BID: variants seen among roughly 807,000 people sequenced by gnomAD.
BID encodes BH3-interacting domain death agonist.
A neutral mutation model predicts 17.4 loss-of-function variants in BID; 19 were observed. That is an observed-to-expected ratio of 1.09 (90% CI 0.76 to 1.60). BID has a LOEUF of 1.60. BID is among the 40% of genes most tolerant of loss of function. The probability of loss-of-function intolerance (pLI) is 0.00; values close to 1 mark genes in which losing one functional copy is unlikely to be tolerated. For synonymous variants in BID, 108 were observed against 102.8 expected (o/e 1.05, Z -0.31); for missense variants, 226 against 256.0 (o/e 0.88, Z 0.80).
intron 3 of BID, chr22:17,739,957 C>T (rs536655986): frequency 9.8e-7 from 1 of 1,024,428 alleles, no homozygotes; most frequent in South Asian, 1.4e-5. Context: ...AGGAAAACCC[C>T]AGTTGTCACT....
chr22:17,771,162 C>A (rs772422207), intron 1 of BID, among the ~76,000 whole-genome samples: 1 of 152,174 alleles, frequency 6.6e-6, no homozygotes, highest in Non-Finnish European at 1.5e-5. Context: ...TGCAGTGGCG[C>A]GATCTCGGCT....
At chr22:17,741,345 C>T (rs1175383204) in intron 3 of BID, among the ~76,000 whole-genome samples, 1 of 152,168 alleles carries the variant, frequency 6.6e-6, no homozygotes, top group African/African-American at 2.4e-5. Flanking sequence ...AAGGCTGCCA[C>T]ATCACTTCTC....
rs191436228 is a variant in BID, at chr22:17,761,392, C to T, written c.-58-11218G>A. Among the ~76,000 whole-genome samples, 204 of 151,644 alleles carry T rather than the reference C, an allele frequency of 1.3e-3. 1 individual carries two copies. Among genetic ancestry groups the T allele is most frequent in the African/African-American group, 4.7e-3 (194 of 41,330 alleles). ...TCTGCTATACAGAACCTCTGCCATC[C>T]AGGTGCATTACACAGAAAGGAAAGA... On this transcript the variant is annotated intron_variant, in intron 1 of 5. Transcript: ENST00000622694.
intron 1 of BID, among the ~76,000 whole-genome samples, chr22:17,753,167 C>T (rs564398316): frequency 5.9e-5 from 9 of 151,516 alleles, no homozygotes; most frequent in South Asian, 4.2e-4. Context: ...GGGGTTTCAC[C>T]GTGTTAGCCA....
intron 1 of BID, among the ~76,000 whole-genome samples, chr22:17,755,732 G>A (rs867831153): frequency 5.3e-5 from 8 of 151,554 alleles, no homozygotes; most frequent in East Asian, 1.9e-4. Context: ...CCTGGGAGGC[G>A]GGGGTTGCAG....
intron 1 of BID, 107 bp from the exon 2 acceptor site, chr22:17,750,281 G>T: frequency 1.0e-6 from 1 of 967,978 alleles, no homozygotes; most frequent in Non-Finnish European, 1.6e-6. Flanking sequence ...CGGCTGAGCC[G>T]AGGTCCTGGC....
At chr22:17,756,490 TTCTTTCTC>T (rs1372593559) in intron 1 of BID, among the ~76,000 whole-genome samples, 1 of 142,120 alleles carries the variant, frequency 7.0e-6, no homozygotes, top group Non-Finnish European at 1.5e-5. Context: ...CTTTCTTTCT[TTCTTTCTC>T]TCTCTCTTTC....
At chr22:17,754,007 T>C (rs1028609550) in intron 1 of BID, among the ~76,000 whole-genome samples, 2 of 151,034 alleles carry the variant, frequency 1.3e-5, no homozygotes, top group African/African-American at 4.9e-5. Context: ...AGGGGTGACA[T>C]TCCCCCAGTC....
chr22:17,758,082 TG>T (rs66461333), intron 1 of BID, among the ~76,000 whole-genome samples: 3,242 of 152,282 alleles, frequency 0.021, 71 homozygotes, highest in African/African-American at 0.061. Flanking sequence ...TGTGGCCTCC[TG>T]GGGGGTCCTT....
At chr22:17,762,432 G>T (rs904592368) in intron 1 of BID, among the ~76,000 whole-genome samples, 11 of 152,096 alleles carry the variant, frequency 7.2e-5, no homozygotes, top group African/African-American at 2.2e-4. Flanking sequence ...GAAGGCAGAG[G>T]TTGCAGTGAG....
intron 1 of BID, among the ~76,000 whole-genome samples, chr22:17,766,518 T>G (rs2061679695): frequency 6.6e-6 from 1 of 152,020 alleles, no homozygotes; most frequent in Non-Finnish European, 1.5e-5. Flanking sequence ...CGACCTCAGG[T>G]GATCGACCCG....
intron 1 of BID, among the ~76,000 whole-genome samples, chr22:17,760,208 G>C (rs2061626842): frequency 6.6e-6 from 1 of 150,504 alleles, no homozygotes; most frequent in Non-Finnish European, 1.5e-5. Context: ...CACTTTGGGA[G>C]GCTGATGAGG....
At chr22:17,754,309 C>A (rs564144763) in intron 1 of BID, among the ~76,000 whole-genome samples, 13 of 152,390 alleles carry the variant, frequency 8.5e-5, no homozygotes, top group African/African-American at 3.1e-4. Flanking sequence ...AGGACCCCAG[C>A]AGGCACCGCC....
chr22:17,750,244 C>A lies in BID; in HGVS notation c.-58-70G>T. ...TGGTCAGGACCCCTCGGGAGGACGA[C>A]GAAGCTGGCCTGTGCTCCAGAAATG... is the stretch of plus-strand genomic sequence containing the variant. On this transcript the variant is annotated intron_variant, in intron 1 of 5. Coordinates refer to ENST00000622694, the MANE Select transcript of BID (RefSeq NM_001196.4). The A allele has an allele frequency of 3.0e-6, 4 of 1,327,576 alleles. 1 individual carries two copies. The South Asian group carries it at 5.0e-5, about 17-fold the overall frequency. The allele number at this position is 1,327,576 out of a possible 1,614,324, so 82.2% of individuals were successfully genotyped here.
intron 1 of BID, among the ~76,000 whole-genome samples, chr22:17,766,788 C>T (rs1228284438): frequency 6.6e-6 from 1 of 151,294 alleles, no homozygotes; most frequent in Non-Finnish European, 1.5e-5. Context: ...CACGGGGTTT[C>T]ACTGTGTTAA....
chr22:17,745,144 G>A (rs975956598), intron 2 of BID, among the ~76,000 whole-genome samples: 1 of 152,090 alleles, frequency 6.6e-6, no homozygotes, highest in Middle Eastern at 3.4e-3. Context: ...TCCGCTTCCT[G>A]GGTTCAAATG....
intron 2 of BID, among the ~76,000 whole-genome samples, chr22:17,748,052 A>G (rs937812859): frequency 6.6e-6 from 1 of 150,780 alleles, no homozygotes; most frequent in Non-Finnish European, 1.5e-5. Flanking sequence ...TTACTAAAAT[A>G]TAAAAAATTA....
At position 17,756,455 on chromosome 22, in the gene BID, C is replaced by CT. The variant is rs1361307454; in HGVS notation, c.-58-6282dup. Among the ~76,000 whole-genome samples the CT allele has an allele frequency of 1.9e-3, 188 of 100,052 alleles. 1 individual carries two copies. Among genetic ancestry groups the CT allele is most frequent in the African/African-American group, 7.0e-3 (181 of 25,928 alleles). 65.6% of individuals were successfully genotyped at this position (100,052 alleles called of 152,430 possible). The stretch of plus-strand genomic sequence containing the variant: ...TTCTTCTTTCTTTCTTTCTTTCTTT[C>CT]TTTCTTTCTTTCTTTCTTTCTTTTC... On this transcript the variant is annotated intron_variant, in intron 1 of 5. Coordinates refer to ENST00000622694, the MANE Select transcript of BID (RefSeq NM_001196.4).
chr22:17,766,566 C>G (rs2061680123), intron 1 of BID, among the ~76,000 whole-genome samples: 1 of 151,700 alleles, frequency 6.6e-6, no homozygotes, highest in Non-Finnish European at 1.5e-5. Context: ...CAGGCGTGAG[C>G]CACTTCGCGC....
Sources: gnomAD v4.1 joint callset for allele counts (sites outside exome capture counted in the v4.1 genomes callset) on GRCh38, gnomAD v4.1.1 for gene constraint, MANE v1.5 for transcripts, NCBI Gene and HGNC (gene_info 2026-07-23, HGNC 2026-07-21) for gene names.